ICA1: variants seen among roughly 807,000 people sequenced by gnomAD.
The protein encoded by ICA1 is 69 kDa islet cell autoantigen.
ICA1 carries 40 observed loss-of-function variants against 71.0 expected under a neutral mutation model. The observed-to-expected ratio is 0.56, with a 90% confidence interval of 0.44 to 0.73. The LOEUF (loss-of-function observed/expected upper bound fraction) is 0.73. Ranked by LOEUF, ICA1 falls within the 30% of genes least tolerant of loss-of-function variation. ICA1 has a pLI of 0.00. For synonymous variants in ICA1, 207 were observed against 209.5 expected (o/e 0.99, Z 0.10); for missense variants, 578 against 576.5 (o/e 1.00, Z -0.03).
intron 4 of ICA1, among the ~76,000 whole-genome samples, chr7:8,225,252 T>C (rs1798260207): frequency 6.6e-6 from 1 of 152,212 alleles, no homozygotes; most frequent in Non-Finnish European, 1.5e-5. Flanking sequence ...GAAATTATTT[T>C]ATGAGAAAAA....
At chr7:8,230,854 C>G (rs1800051658) in intron 3 of ICA1, among the ~76,000 whole-genome samples, 2 of 152,148 alleles carry the variant, frequency 1.3e-5, no homozygotes, top group South Asian at 4.1e-4. Context: ...AAGGAAAGGG[C>G]TGAGAACTGA....
intron 6 of ICA1, among the ~76,000 whole-genome samples, chr7:8,179,901 G>T (rs1213250543): frequency 6.6e-6 from 1 of 151,918 alleles, no homozygotes; most frequent in Non-Finnish European, 1.5e-5. Flanking sequence ...TTTCTAAAGG[G>T]CTTCTAAGTA....
intron 6 of ICA1, among the ~76,000 whole-genome samples, chr7:8,164,174 C>T (rs560744114): frequency 6.6e-6 from 1 of 151,792 alleles, no homozygotes; most frequent in Non-Finnish European, 1.5e-5. Context: ...TGTGGTGGTA[C>T]ACGCCTGTAA....
At position 8,216,594 on chromosome 7, in the gene ICA1, A is replaced by AAAAAC. The variant is rs1795474076; in HGVS notation, c.579+1710_579+1711insGTTTT. ...CCCACAAAACAAAACCAAAAAAAAA[A>AAAAAC]TTCCACATAAAATTCTTCTGCCTTC... On this transcript the variant is annotated intron_variant, in intron 6 of 13. Transcript: ENST00000402384. Among the ~76,000 whole-genome samples the AAAAAC allele has an allele frequency of 8.6e-5, 13 of 151,966 alleles. No homozygotes were observed. In the East Asian group the frequency reaches 2.5e-3, roughly 29 times the overall value.
chr7:8,223,552 T>C lies in ICA1; in HGVS notation c.257-2154A>G, dbSNP rs866182404. 1 of 154,548 alleles carries C rather than the reference T, an allele frequency of 6.5e-6. No individual in the cohort carries two copies. The highest frequency in any genetic ancestry group is 1.5e-5 in the Non-Finnish European group (1 of 68,034). The allele number at this position is 154,548 out of a possible 1,614,324, so 9.6% of individuals were successfully genotyped here. A position where few individuals can be genotyped will look rare whatever the true frequency, so the allele number is the denominator to read the frequency against. On this transcript the variant is annotated intron_variant, in intron 4 of 13. Coordinates refer to ENST00000402384, the MANE Select transcript of ICA1 (RefSeq NM_001136020.3). This position sits in a 1 kb window ranked among gnomAD's most constrained non-coding sequence, Gnocchi z 4.1. ...CAAGGTTAGATTTTCTGAGAAGGGATGGTCATTCTTTAATTTTAAAAATTC... is the reference window on the plus strand; with the variant it reads ...CAAGGTTAGATTTTCTGAGAAGGGACGGTCATTCTTTAATTTTAAAAATTC...
intron 6 of ICA1, among the ~76,000 whole-genome samples, chr7:8,201,923 T>C (rs1015722084): frequency 2.6e-5 from 4 of 152,128 alleles, no homozygotes; most frequent in African/African-American, 9.7e-5. Flanking sequence ...GAACTCACCA[T>C]GCAAGCCCAG....
chr7:8,128,695 T>C (rs16872626), intron 12 of ICA1, among the ~76,000 whole-genome samples: 7,923 of 152,226 alleles, frequency 0.052, 238 homozygotes, highest in Middle Eastern at 0.078. Flanking sequence ...CTTCCCACTT[T>C]GCTGAAACTC....
At chr7:8,177,672 A>C (rs1007457741) in intron 6 of ICA1, among the ~76,000 whole-genome samples, 1 of 152,192 alleles carries the variant, frequency 6.6e-6, no homozygotes, top group Non-Finnish European at 1.5e-5. Context: ...TTTATAGTAC[A>C]GTATAGTTTT....
At chr7:8,260,042 A>C (rs1811694018) in intron 1 of ICA1, among the ~76,000 whole-genome samples, 1 of 152,138 alleles carries the variant, frequency 6.6e-6, no homozygotes, top group African/African-American at 2.4e-5. Context: ...AAACACTGCC[A>C]CCTACCCTCA....
upstream of ICA1, chr7:8,262,512 C>T (rs901919260): frequency 1.3e-5 from 2 of 152,236 alleles, no homozygotes; most frequent in East Asian, 1.9e-4. Flanking sequence ...CTCCTCGACC[C>T]CCATCTCCTG....
At chr7:8,201,642 G>A (rs562951157) in intron 6 of ICA1, among the ~76,000 whole-genome samples, 4 of 152,326 alleles carry the variant, frequency 2.6e-5, no homozygotes, top group African/African-American at 9.6e-5. Flanking sequence ...AAAAAGGGCC[G>A]AGTTTAGCTC....
intron 6 of ICA1, among the ~76,000 whole-genome samples, chr7:8,210,923 G>T (rs16870299): frequency 7.6e-5 from 11 of 145,122 alleles, no homozygotes; most frequent in Non-Finnish European, 1.2e-4. Context: ...GAGCTCCAGC[G>T]AGAGACAGGA....
chr7:8,198,655 G>T (rs1349150201), intron 6 of ICA1, among the ~76,000 whole-genome samples: 1 of 152,158 alleles, frequency 6.6e-6, no homozygotes, highest in Non-Finnish European at 1.5e-5. Context: ...ACATAGATCT[G>T]GAAAATATTT....
Position 8,199,194 on chromosome 7 carries a change from C to G in ICA1, c.579+19111G>C, listed in dbSNP as rs142214818. Among the ~76,000 whole-genome samples, 382 of 152,274 alleles carry G rather than the reference C, an allele frequency of 2.5e-3. 1 individual carries two copies. Among genetic ancestry groups the G allele is most frequent in the African/African-American group, 8.7e-3 (363 of 41,558 alleles). The stretch of plus-strand genomic sequence containing the variant: ...GTTCCTCAGAAAACTAAAAGTAGAG[C>G]TACCATATGATCCAACAATCCCACT... On this transcript the variant is annotated intron_variant, in intron 6 of 13. Coordinates refer to ENST00000402384, the MANE Select transcript of ICA1 (RefSeq NM_001136020.3).
Position 8,173,388 on chromosome 7 carries a change from A to G in ICA1, c.580-14736T>C, listed in dbSNP as rs911035574. 1.3e-5 allele frequency among the ~76,000 whole-genome samples: 2 copies of G among 152,220 alleles called. No homozygotes were observed. The highest frequency in any genetic ancestry group is 2.9e-5 in the Non-Finnish European group (2 of 68,032). ...TGGCAACGATTAAAACACATCAAAT[A>G]TATCCAAATCTATGAGTTCATAATA... is the stretch of plus-strand genomic sequence containing the variant. On this transcript the variant is annotated intron_variant, in intron 6 of 13. Coordinates refer to ENST00000402384, the MANE Select transcript of ICA1 (RefSeq NM_001136020.3). The surrounding 1 kb of genome is among the most constrained non-coding windows in gnomAD (Gnocchi z 4.0).
At chr7:8,248,166 G>A (rs939155550) in intron 1 of ICA1, among the ~76,000 whole-genome samples, 2 of 152,138 alleles carry the variant, frequency 1.3e-5, no homozygotes, top group African/African-American at 4.8e-5. Context: ...CAACTTTAGT[G>A]GTAGAATTTT....
intron 6 of ICA1, among the ~76,000 whole-genome samples, chr7:8,188,983 C>A (rs1007114187): frequency 2.6e-5 from 4 of 152,178 alleles, no homozygotes; most frequent in Admixed American, 1.3e-4. Context: ...AGATTTGATA[C>A]CCTGGGAGAG....
In ICA1 at chr7:8,144,638, GT is replaced by G. The variant is rs77272207; in HGVS notation, c.805-667del. ...TTTTCAAGGTTAACTAAATATTTAA[GT>G]TTTTTTTTTTAAACAGCAAGTGCCT... is the stretch of plus-strand genomic sequence containing the variant. On this transcript the variant is annotated intron_variant, in intron 8 of 13. Transcript: ENST00000402384. The surrounding 1 kb of genome is among the most constrained non-coding windows in gnomAD (Gnocchi z 4.5). 2.0e-5 allele frequency among the ~76,000 whole-genome samples: 3 copies of G among 149,808 alleles called. No individual in the cohort carries two copies. Among genetic ancestry groups the G allele is most frequent in the African/African-American group, 7.3e-5 (3 of 40,918 alleles).
chr7:8,178,369 T>C (rs1781226125), intron 6 of ICA1, among the ~76,000 whole-genome samples: 1 of 152,216 alleles, frequency 6.6e-6, no homozygotes, highest in African/African-American at 2.4e-5. Context: ...CACTGTATTT[T>C]AATTGACTGT....
Sources: allele counts gnomAD v4.1 joint callset (sites outside exome capture counted in the v4.1 genomes callset), GRCh38; gene constraint gnomAD v4.1.1; non-coding constraint Gnocchi (gnomAD v3.1); transcripts MANE v1.5; gene names NCBI Gene and HGNC (gene_info 2026-07-23, HGNC 2026-07-21).